Variants in TNFRSF19 observed in about 807,000 individuals in gnomAD.
TNFRSF19 encodes the protein tumor necrosis factor receptor superfamily member 19.
In TNFRSF19, 27 loss-of-function variants were observed where a neutral mutation model predicts 46.4. The observed-to-expected ratio is 0.58, with a 90% CI of 0.43 to 0.80. The LOEUF is 0.80. Among genes scored for constraint, TNFRSF19 ranks in the 30% least tolerant of loss-of-function variants. The pLI, the probability that TNFRSF19 is intolerant of heterozygous loss-of-function variation, is 0.00. For missense variants in TNFRSF19, 511 were observed against 530.8 expected (o/e 0.96, Z 0.37); for synonymous variants, 204 against 205.0 (o/e 1.00, Z 0.04).
In TNFRSF19 at chr13:23,620,242, A is replaced by C. The variant is rs553440240; in HGVS notation, c.359+4197A>C. ...TATAAACAGAAAAACTGAGGCAGAA[A>C]GACGTGAGCAAAATGCATATTGCTC... On this transcript the variant is annotated intron_variant, in intron 4 of 9. Coordinates refer to ENST00000248484, the MANE Select transcript of TNFRSF19 (RefSeq NM_148957.4). 4.4e-4 allele frequency among the ~76,000 whole-genome samples: 67 copies of C among 152,366 alleles called. 1 individual carries two copies. Among genetic ancestry groups the C allele is most frequent in the African/African-American group, 1.6e-3 (67 of 41,584 alleles).
At chr13:23,601,281 T>G (rs7332106) in intron 3 of TNFRSF19, among the ~76,000 whole-genome samples, 39,450 of 151,964 alleles carry the variant, frequency 0.26, 5,659 homozygotes, top group African/African-American at 0.38. Context: ...GGAGCAGAGA[T>G]AAGAATGACA....
At chr13:23,611,966 T>A (rs1303998054) in intron 3 of TNFRSF19, among the ~76,000 whole-genome samples, 1 of 152,166 alleles carries the variant, frequency 6.6e-6, no homozygotes, top group Admixed American at 6.5e-5. Context: ...CAGTGTTAAA[T>A]ACATGCACTC....
At chr13:23,584,340 C>T (rs1878675887) in intron 1 of TNFRSF19, among the ~76,000 whole-genome samples, 1 of 152,126 alleles carries the variant, frequency 6.6e-6, no homozygotes, top group Non-Finnish European at 1.5e-5. Context: ...GTTTTCCATT[C>T]CTGAGTTACT....
intron 5 of TNFRSF19, among the ~76,000 whole-genome samples, chr13:23,640,943 A>C (rs1268732153): frequency 6.6e-6 from 1 of 151,998 alleles, no homozygotes; most frequent in Non-Finnish European, 1.5e-5. Context: ...TTGTTTCTTA[A>C]TGTTCATTAA....
chr13:23,651,688 C>G (rs1229768832), intron 5 of TNFRSF19, among the ~76,000 whole-genome samples: 1 of 151,956 alleles, frequency 6.6e-6, no homozygotes, highest in Non-Finnish European at 1.5e-5. Context: ...ATTCAATAGC[C>G]TCCTTAATCT....
At chr13:23,620,277 C>T (rs542729749) in intron 4 of TNFRSF19, among the ~76,000 whole-genome samples, 151 of 152,258 alleles carry the variant, frequency 9.9e-4, no homozygotes, top group Middle Eastern at 3.4e-3. Context: ...CCCCAAAAAG[C>T]AATGCAGAAG....
At chr13:23,606,705 A>G (rs908979149) in intron 3 of TNFRSF19, among the ~76,000 whole-genome samples, 13 of 152,374 alleles carry the variant, frequency 8.5e-5, no homozygotes, top group African/African-American at 2.9e-4. Flanking sequence ...GTTTTAGCTC[A>G]TAATAAATAA....
intron 3 of TNFRSF19, among the ~76,000 whole-genome samples, chr13:23,602,474 A>G (rs1880228093): frequency 6.6e-6 from 1 of 152,122 alleles, no homozygotes. Flanking sequence ...GAAAGTCAAT[A>G]TGGACATAGT....
chr13:23,670,172 A>G (rs547748102), intron 9 of TNFRSF19, among the ~76,000 whole-genome samples: 24 of 152,340 alleles, frequency 1.6e-4, no homozygotes, highest in Non-Finnish European at 3.2e-4. Context: ...ATACTGATCT[A>G]AGTCTGCAGT....
Position 23,626,802 on chromosome 13 carries a change from C to A in TNFRSF19, c.445+10C>A. On this transcript the variant is annotated intron_variant, in intron 5 of 9. Coordinates refer to ENST00000248484, the MANE Select transcript of TNFRSF19 (RefSeq NM_148957.4). ...CCTTACGAACCGCACTGTGAGTGAA[C>A]GCAACACAGGCAGAGCCAAGGGGAC... is the stretch of plus-strand genomic sequence containing the variant. 2 of 1,613,756 alleles carry A rather than the reference C, an allele frequency of 1.2e-6. No individual in the cohort carries two copies. Among genetic ancestry groups the A allele is most frequent in the Non-Finnish European group, 1.7e-6 (2 of 1,179,798 alleles).
intron 5 of TNFRSF19, among the ~76,000 whole-genome samples, chr13:23,656,980 G>A (rs1216603622): frequency 1.3e-5 from 2 of 152,068 alleles, no homozygotes; most frequent in East Asian, 3.9e-4. Context: ...ATTTTTTTTA[G>A]CTTGCTGTAT....
At chr13:23,622,226 A>AC (rs1161309863) in intron 4 of TNFRSF19, among the ~76,000 whole-genome samples, 4 of 151,702 alleles carry the variant, frequency 2.6e-5, no homozygotes, top group Admixed American at 6.6e-5. Flanking sequence ...ACATAGTGAA[A>AC]CCCCGTCTCT....
At chr13:23,639,188 T>C (rs1257776068) in intron 5 of TNFRSF19, among the ~76,000 whole-genome samples, 1 of 151,912 alleles carries the variant, frequency 6.6e-6, no homozygotes, top group African/African-American at 2.4e-5. Flanking sequence ...AGGTCAGGAG[T>C]TCGAGACCAG....
intron 3 of TNFRSF19, among the ~76,000 whole-genome samples, chr13:23,600,197 A>G (rs1175884728): frequency 6.6e-6 from 1 of 152,236 alleles, no homozygotes; most frequent in Non-Finnish European, 1.5e-5. Flanking sequence ...TTTCATATAT[A>G]TGAGGAATTT....
At chr13:23,590,489 CACT>C (rs1566168132) in intron 2 of TNFRSF19, among the ~76,000 whole-genome samples, 1 of 152,170 alleles carries the variant, frequency 6.6e-6, no homozygotes, top group African/African-American at 2.4e-5. Context: ...CACCCACCAC[CACT>C]CCCAGCTAAT....
At chr13:23,596,360 G>A (rs556613502) in intron 3 of TNFRSF19, among the ~76,000 whole-genome samples, 1 of 152,110 alleles carries the variant, frequency 6.6e-6, no homozygotes, top group South Asian at 2.1e-4. Context: ...TCCATCTCAC[G>A]TGCAAAGACA....
chr13:23,612,361 G>C (rs1880964547), intron 3 of TNFRSF19, among the ~76,000 whole-genome samples: 1 of 152,164 alleles, frequency 6.6e-6, no homozygotes, highest in African/African-American at 2.4e-5. Context: ...CATTTATATT[G>C]GGGGTAATTT....
Position 23,630,382 on chromosome 13 carries a change from C to A in TNFRSF19, c.445+3590C>A, listed in dbSNP as rs938278301. 5.3e-5 allele frequency among the ~76,000 whole-genome samples: 8 copies of A among 151,954 alleles called. No individual in the cohort carries two copies. The East Asian group carries it at 1.2e-3, about 22-fold the overall frequency. On this transcript the variant is annotated intron_variant, in intron 5 of 9. Coordinates refer to ENST00000248484, the MANE Select transcript of TNFRSF19 (RefSeq NM_148957.4). ...TGGGAGGCTGAAGGCTGAAGAGACC[C>A]GAATTAGGCCAGTCTCTCCCCTCTC...
rs1252241608 is a variant in TNFRSF19 at position 23,590,183 on chromosome 13, G to C, written c.-1G>C. The C allele has an allele frequency of 3.8e-6, 6 of 1,583,388 alleles. No homozygotes were observed. The highest frequency in any genetic ancestry group is 5.2e-6 in the Non-Finnish European group (6 of 1,160,722). On this transcript the variant is annotated 5_prime_UTR_variant, in exon 2 of 10. Coordinates refer to ENST00000248484, the MANE Select transcript of TNFRSF19 (RefSeq NM_148957.4). ...AACAATAAATACATTTGATAAGAAAGATGGCTTTAAAAGTGCTACTAGAAC... is the reference window on the plus strand; with the variant it reads ...AACAATAAATACATTTGATAAGAAACATGGCTTTAAAAGTGCTACTAGAAC...
Sources: gnomAD v4.1 joint callset for allele counts (sites outside exome capture counted in the v4.1 genomes callset) on GRCh38, gnomAD v4.1.1 for gene constraint, MANE v1.5 for transcripts, NCBI Gene and HGNC (gene_info 2026-07-23, HGNC 2026-07-21) for gene names.